The following HIF1AN variants were observed in gnomAD, a reference collection of about 807,000 sequenced individuals.
HIF1AN encodes the protein hypoxia-inducible factor 1-alpha inhibitor.
In HIF1AN, 21 loss-of-function variants were observed where a neutral mutation model predicts 47.7. The ratio of observed to expected loss-of-function variants is 0.44; its 90% CI spans 0.31 to 0.63. The LOEUF is 0.63. Ranked by LOEUF, HIF1AN falls within the 30% of genes least tolerant of loss-of-function variation. The pLI, the probability that HIF1AN is intolerant of heterozygous loss-of-function variation, is 0.07. For missense variants in HIF1AN, 320 were observed against 432.7 expected (o/e 0.74, Z 2.31); for synonymous variants, 152 against 155.9 (o/e 0.98, Z 0.18).
chr10:100,548,233 G>A lies in HIF1AN; in HGVS notation c.*96G>A, dbSNP rs1280081715. On this transcript the variant is annotated 3_prime_UTR_variant, in exon 8 of 8. Transcript: ENST00000299163. ...GAGACTCCAAGCGCTAGTATTGCACGCTGCACTTAATGGACTGGACTCTTG... is the reference window on the plus strand; with the variant it reads ...GAGACTCCAAGCGCTAGTATTGCACACTGCACTTAATGGACTGGACTCTTG... 5.3e-5 allele frequency: 57 copies of A among 1,076,340 alleles called. No individual in the cohort carries two copies. Among genetic ancestry groups the A allele is most frequent in the Non-Finnish European group, 6.9e-5 (52 of 755,872 alleles). 66.7% of individuals were successfully genotyped at this position (1,076,340 alleles called of 1,614,324 possible).
chr10:100,546,451 GCACT>G, intron 5 of HIF1AN, 63 bp from the exon 6 acceptor site: 2 of 365,880 alleles, frequency 5.5e-6, no homozygotes, highest in Non-Finnish European at 9.5e-6. Context: ...CCACCCCCCC[GCACT>G]TCGCCCCTCC....
intron 3 of HIF1AN, among the ~76,000 whole-genome samples, chr10:100,544,189 C>A (rs1843073087): frequency 6.6e-6 from 1 of 152,188 alleles, no homozygotes; most frequent in African/African-American, 2.4e-5. Context: ...AATAATGTGC[C>A]ATATTTAAAT....
chr10:100,546,798 G>C (rs1222070368), intron 6 of HIF1AN, among the ~76,000 whole-genome samples: 1 of 152,044 alleles, frequency 6.6e-6, no homozygotes, highest in African/African-American at 2.4e-5. Flanking sequence ...GGAGTGCAGT[G>C]GCGTGATCTC....
Position 100,556,463 on chromosome 10 carries a change from A to G in HIF1AN, c.*8326A>G, listed in dbSNP as rs1215376283. ...TGTGCACAAGGATGCAGGAGACGAG[A>G]TTGTCACAGAGGCTGTCATGCTAGT... On this transcript the variant is annotated 3_prime_UTR_variant, in exon 8 of 8. Coordinates refer to ENST00000299163, the MANE Select transcript of HIF1AN (RefSeq NM_017902.3). The G allele has an allele frequency of 6.6e-6, 1 of 152,264 alleles. No homozygotes were observed. The highest frequency in any genetic ancestry group is 1.5e-5 in the Non-Finnish European group (1 of 68,068). The allele number at this position is 152,264 out of a possible 1,614,324, so 9.4% of individuals were successfully genotyped here. A position where few individuals can be genotyped will look rare whatever the true frequency, so the allele number is the denominator to read the frequency against.
chr10:100,538,450 A>G (rs1351972761), intron 2 of HIF1AN, among the ~76,000 whole-genome samples: 1 of 152,146 alleles, frequency 6.6e-6, no homozygotes, highest in African/African-American at 2.4e-5. Context: ...TTTTTGGGTG[A>G]ATATATAATT....
At position 100,539,662 on chromosome 10, in the gene HIF1AN, T is replaced by G. The variant is rs571988839; in HGVS notation, c.429-972T>G. ...TTGCTGTGGCAGAAGGAAAGAGATG[T>G]GGTAGTGGTAACTTGTTCTTAAATT... On this transcript the variant is annotated intron_variant, in intron 2 of 7. Coordinates refer to ENST00000299163, the MANE Select transcript of HIF1AN (RefSeq NM_017902.3). Among the ~76,000 whole-genome samples the G allele has an allele frequency of 5.9e-5, 9 of 152,324 alleles. No individual in the cohort carries two copies. In the East Asian group the frequency reaches 1.7e-3, roughly 29 times the overall value.
At chr10:100,541,714 C>G (rs1039458951) in intron 3 of HIF1AN, among the ~76,000 whole-genome samples, 1 of 152,146 alleles carries the variant, frequency 6.6e-6, no homozygotes, top group African/African-American at 2.4e-5. Context: ...GTTCCCTTTT[C>G]CCTTCCTCAG....
chr10:100,540,306 A>G (rs1330096956), intron 2 of HIF1AN, among the ~76,000 whole-genome samples: 1 of 152,142 alleles, frequency 6.6e-6, no homozygotes, highest in African/African-American at 2.4e-5. Flanking sequence ...CACACCTGTA[A>G]TCCCAGCACT....
At chr10:100,537,666 C>T (rs865843981) in intron 2 of HIF1AN, among the ~76,000 whole-genome samples, 3 of 152,216 alleles carry the variant, frequency 2.0e-5, no homozygotes, top group Non-Finnish European at 2.9e-5. Context: ...TATAACACTG[C>T]CTCTGGGGAA....
At position 100,554,930 on chromosome 10, in the gene HIF1AN, C is replaced by T. The variant is rs1843201809; in HGVS notation, c.*6793C>T. On this transcript the variant is annotated 3_prime_UTR_variant, in exon 8 of 8. Coordinates refer to ENST00000299163, the MANE Select transcript of HIF1AN (RefSeq NM_017902.3). ...ATTTGTTGAACACTTCTGTTCCAGG[C>T]ACTGTATTAGTTCGTCCCCATGTGG... 2 of 152,142 alleles carry T rather than the reference C, an allele frequency of 1.3e-5. No individual in the cohort carries two copies. The highest frequency in any genetic ancestry group is 4.1e-4 in the South Asian group (2 of 4,824). 9.4% of individuals were successfully genotyped at this position (152,142 alleles called of 1,614,324 possible).
intron 2 of HIF1AN, among the ~76,000 whole-genome samples, chr10:100,539,004 C>G (rs1211593845): frequency 6.6e-6 from 1 of 151,150 alleles, no homozygotes; most frequent in Admixed American, 6.6e-5. Flanking sequence ...CTCCCAGGCT[C>G]AAGCGATCCT....
intron 5 of HIF1AN, 65 bp downstream of exon 5, chr10:100,546,114 G>C (rs1843091453): frequency 8.9e-7 from 1 of 1,119,188 alleles, no homozygotes. Flanking sequence ...GGAAAGCCTT[G>C]TCTGTGTCGC....
intron 1 of HIF1AN, 80 bp from the exon 2 acceptor site, chr10:100,536,331 T>C (rs1301809364): frequency 6.6e-7 from 1 of 1,508,076 alleles, no homozygotes; most frequent in African/African-American, 1.4e-5. Flanking sequence ...AGTTGAGAAG[T>C]AGTTGGGATC....
In HIF1AN at chr10:100,545,247, C is replaced by T. The variant is rs967619302; in HGVS notation, c.723+151C>T. 2.6e-5 allele frequency: 20 copies of T among 765,096 alleles called. No homozygotes were observed. In the African/African-American group the frequency reaches 2.6e-4, roughly 10 times the overall value. 47.4% of individuals were successfully genotyped at this position (765,096 alleles called of 1,614,324 possible). On this transcript the variant is annotated intron_variant, in intron 4 of 7. Coordinates refer to ENST00000299163, the MANE Select transcript of HIF1AN (RefSeq NM_017902.3). Reference sequence around the variant, plus strand: ...CACCAAGAGGGTAATTTCATTGTAGCTCACATATTCCAGGCTCCCTGGAGT... The same window carrying T: ...CACCAAGAGGGTAATTTCATTGTAGTTCACATATTCCAGGCTCCCTGGAGT...
intron 2 of HIF1AN, among the ~76,000 whole-genome samples, chr10:100,537,049 C>T (rs149168951): frequency 1.6e-3 from 251 of 152,188 alleles, no homozygotes; most frequent in African/African-American, 5.5e-3. Context: ...AAGCCAAGGC[C>T]GGCGGGGGTG....
chr10:100,551,934 C>T lies in HIF1AN; in HGVS notation c.*3797C>T, dbSNP rs1241759604. 6.6e-6 allele frequency: 1 copy of T among 152,220 alleles called. No individual in the cohort carries two copies. Among genetic ancestry groups the T allele is most frequent in the Non-Finnish European group, 1.5e-5 (1 of 68,098 alleles). The allele number at this position is 152,220 out of a possible 1,614,324, so 9.4% of individuals were successfully genotyped here. ...CAGGCTCCTTGTAAGCCTCTGGGCTCCCCCGAGAGGGCCTCGCTACTCTAC... is the reference window on the plus strand; with the variant it reads ...CAGGCTCCTTGTAAGCCTCTGGGCTTCCCCGAGAGGGCCTCGCTACTCTAC... On this transcript the variant is annotated 3_prime_UTR_variant, in exon 8 of 8. Coordinates refer to ENST00000299163, the MANE Select transcript of HIF1AN (RefSeq NM_017902.3).
Position 100,536,109 on chromosome 10 carries a change from C to G in HIF1AN, c.151C>G (p.Arg51Gly). The change falls in exon 1 of 8, where the codon CGG becomes GGG. Residue 51 changes from arginine to glycine, a missense_variant. This residue lies in a region of HIF1AN where 159 missense variants were observed against 159.9 expected (regional missense o/e 0.99). Transcript: ENST00000299163. ...TCCGCGTCTGAGTCAGAGCGACCCCCGGGCAGAGGAGCTTATTGAGAATGA... is the reference window on the plus strand; with the variant it reads ...TCCGCGTCTGAGTCAGAGCGACCCCGGGGCAGAGGAGCTTATTGAGAATGA... ...PIPRLSQSDP[R>G]AEELIENEEP... is the part of the protein sequence containing the mutation. The G allele has an allele frequency of 6.2e-7, 1 of 1,605,014 alleles. No homozygotes were observed. Among genetic ancestry groups the G allele is most frequent in the Non-Finnish European group, 8.5e-7 (1 of 1,175,950 alleles).
intron 4 of HIF1AN, 69 bp from the exon 5 acceptor site, chr10:100,545,874 G>C: frequency 1.0e-6 from 1 of 962,726 alleles, no homozygotes. Flanking sequence ...CTGCCAAACT[G>C]GCATATAGTA....
intron 3 of HIF1AN, among the ~76,000 whole-genome samples, chr10:100,542,712 G>T (rs957853124): frequency 6.6e-6 from 1 of 152,080 alleles, no homozygotes; most frequent in Non-Finnish European, 1.5e-5. Flanking sequence ...TTCAAAAGGT[G>T]TAAATAGGTA....
Sources: gnomAD v4.1 joint callset for allele counts (sites outside exome capture counted in the v4.1 genomes callset) on GRCh38, gnomAD v4.1.1 for gene constraint, gnomAD v4.1.1 regional missense constraint, MANE v1.5 for transcripts, NCBI Gene and HGNC (gene_info 2026-07-23, HGNC 2026-07-21) for gene names.